The following TMEM232 variants were observed in gnomAD, a reference collection of about 807,000 sequenced individuals.
TMEM232 encodes transmembrane protein 232.
A neutral mutation model predicts 78.8 loss-of-function variants in TMEM232; 80 were observed. The observed-to-expected ratio is 1.01, with a 90% CI of 0.85 to 1.22. TMEM232 has a LOEUF of 1.22. Ranked by LOEUF, TMEM232 falls within the 50% of genes most tolerant of loss-of-function variation. TMEM232 has a pLI of 0.00. For synonymous variants in TMEM232, 297 were observed against 254.3 expected (o/e 1.17, Z -1.60); for missense variants, 881 against 742.2 (o/e 1.19, Z -2.17).
chr5:110,469,319 G>A (rs1762417665), intron 12 of TMEM232, among the ~76,000 whole-genome samples: 1 of 152,202 alleles, frequency 6.6e-6, no homozygotes, highest in Admixed American at 6.5e-5. Context: ...ACTAAATCAT[G>A]CTTGTCTGGT....
chr5:110,522,531 G>T (rs1769695193), intron 12 of TMEM232, among the ~76,000 whole-genome samples: 1 of 152,148 alleles, frequency 6.6e-6, no homozygotes, highest in African/African-American at 2.4e-5. Flanking sequence ...TATCGAGTAT[G>T]ATGTTAGCTG....
In TMEM232 at chr5:110,648,674, AAAACAAAC is replaced by A. The variant is rs570383204; in HGVS notation, c.126-6311_126-6304del. On this transcript the variant is annotated intron_variant, in intron 2 of 13. Coordinates refer to ENST00000455884, the MANE Select transcript of TMEM232 (RefSeq NM_001039763.4). The stretch of plus-strand genomic sequence containing the variant: ...TGTTACTGGGACCACCGCTTATGGT[AAAACAAAC>A]AAACAAACAAACAAACAAAACTCCT... 9.2e-5 allele frequency among the ~76,000 whole-genome samples: 14 copies of A among 152,138 alleles called. No individual in the cohort carries two copies. In the East Asian group the frequency reaches 1.7e-3, roughly 19 times the overall value.
intron 2 of TMEM232, among the ~76,000 whole-genome samples, chr5:110,653,821 T>C (rs144733451): frequency 0.014 from 2,104 of 152,182 alleles, 20 homozygotes; most frequent in Middle Eastern, 0.037. Flanking sequence ...GACATCCAAG[T>C]GGAAAGGTTT....
intron 10 of TMEM232, among the ~76,000 whole-genome samples, chr5:110,592,656 A>G (rs1490494731): frequency 6.6e-6 from 1 of 152,164 alleles, no homozygotes; most frequent in African/African-American, 2.4e-5. Context: ...AAGCAAAGAA[A>G]ATGAAAACAA....
intron 10 of TMEM232, among the ~76,000 whole-genome samples, chr5:110,587,689 A>ATGTGTGTGTG (rs1313192902): frequency 1.9e-5 from 1 of 53,260 alleles, no homozygotes; most frequent in Non-Finnish European, 3.5e-5. Flanking sequence ...ATATATATAT[A>ATGTGTGTGTG]TATGTGTGTG....
chr5:110,651,079 T>C (rs1336030244), intron 2 of TMEM232, among the ~76,000 whole-genome samples: 1 of 152,138 alleles, frequency 6.6e-6, no homozygotes, highest in African/African-American at 2.4e-5. Context: ...CTATATTAAT[T>C]AAATATCTGC....
chr5:110,735,440 A>G (rs1041818160), intron 1 of TMEM232, among the ~76,000 whole-genome samples: 12 of 152,234 alleles, frequency 7.9e-5, no homozygotes, highest in African/African-American at 2.4e-4. Context: ...ACAAAGTAAA[A>G]AACTATATTA....
At chr5:110,388,471 T>C (rs902696047) in intron 4 of TMEM232, among the ~76,000 whole-genome samples, 1 of 152,170 alleles carries the variant, frequency 6.6e-6, no homozygotes, top group African/African-American at 2.4e-5. Context: ...CTGCTTTTTG[T>C]CAGAAAAGAA....
chr5:110,572,815 A>G (rs1468127406), intron 10 of TMEM232, among the ~76,000 whole-genome samples: 2 of 152,130 alleles, frequency 1.3e-5, no homozygotes, highest in Non-Finnish European at 2.9e-5. Flanking sequence ...AATGAAGAAA[A>G]AAAACCTTAT....
At chr5:110,416,401 G>A (rs1053800085), downstream of TMEM232, among the ~76,000 whole-genome samples, 8 of 152,214 alleles carry the variant, frequency 5.3e-5, no homozygotes, top group South Asian at 8.3e-4. Flanking sequence ...AACAAATAGG[G>A]GTGTTCTTAT....
intron 2 of TMEM232, among the ~76,000 whole-genome samples, chr5:110,645,562 G>T (rs141753254): frequency 0.01 from 1,522 of 150,616 alleles, 34 homozygotes; most frequent in African/African-American, 0.035. Context: ...AAGAATTTAC[G>T]TCAATTTACT....
intron 12 of TMEM232, among the ~76,000 whole-genome samples, chr5:110,510,499 C>T (rs1385772184): frequency 1.3e-5 from 2 of 152,136 alleles, no homozygotes; most frequent in Non-Finnish European, 2.9e-5. Flanking sequence ...CTTTCCATTT[C>T]TATTGCCACT....
At chr5:110,611,088 A>G (rs1782216555) in intron 8 of TMEM232, among the ~76,000 whole-genome samples, 1 of 152,170 alleles carries the variant, frequency 6.6e-6, no homozygotes, top group Admixed American at 6.6e-5. Flanking sequence ...AATTAAATGC[A>G]GATATATAAA....
chr5:110,526,049 A>AAT (rs1554099399), intron 12 of TMEM232, among the ~76,000 whole-genome samples: 124 of 148,014 alleles, frequency 8.4e-4, no homozygotes, highest in African/African-American at 3.0e-3. Context: ...AAAAAAAAAA[A>AAT]ATTCAAACAG....
chr5:110,392,663 G>T (rs952767601), intron 3 of TMEM232, among the ~76,000 whole-genome samples: 1 of 152,096 alleles, frequency 6.6e-6, no homozygotes, highest in Non-Finnish European at 1.5e-5. Flanking sequence ...GGATATTAAT[G>T]ACATCATGAG....
At position 110,640,990 on chromosome 5, in the gene TMEM232, A is replaced by G. The variant is rs1191889517; in HGVS notation, c.244T>C (p.Leu82=). 1.5e-5 allele frequency: 23 copies of G among 1,525,986 alleles called. No homozygotes were observed. The East Asian group carries it at 4.6e-4, about 30-fold the overall frequency. 94.5% of individuals were successfully genotyped at this position (1,525,986 alleles called of 1,614,324 possible). A position where few individuals can be genotyped will look rare whatever the true frequency, so the allele number is the denominator to read the frequency against. The change falls in exon 4 of 14, where the codon TTG becomes CTG. Residue 82 remains leucine (L), a synonymous_variant. Coordinates refer to ENST00000455884, the MANE Select transcript of TMEM232 (RefSeq NM_001039763.4). ...CCAGAGCCCAGGGTTTTGAGACCCA[A>G]TTTTCTCTGTTATGAGGAAGCATGA... ...RKIILRCKRK[L]GLKTLGSGRH...
At chr5:110,391,334 A>T (rs1193057116) in intron 3 of TMEM232, among the ~76,000 whole-genome samples, 2 of 144,808 alleles carry the variant, frequency 1.4e-5, no homozygotes, top group Non-Finnish European at 3.0e-5. Flanking sequence ...TGTGAGAGAG[A>T]GAGAGAGAGA....
At chr5:110,695,712 T>C (rs1794688367) in intron 1 of TMEM232, among the ~76,000 whole-genome samples, 1 of 152,100 alleles carries the variant, frequency 6.6e-6, no homozygotes, top group South Asian at 2.1e-4. Flanking sequence ...AAGAAATGGA[T>C]AAATTCCTCG....
At chr5:110,655,777 A>G (rs1788952662) in intron 2 of TMEM232, among the ~76,000 whole-genome samples, 1 of 151,844 alleles carries the variant, frequency 6.6e-6, no homozygotes, top group South Asian at 2.1e-4. Flanking sequence ...GAAATTGGAA[A>G]TGATCATTCT....
Sources: allele counts gnomAD v4.1 joint callset (sites outside exome capture counted in the v4.1 genomes callset), GRCh38; gene constraint gnomAD v4.1.1; transcripts MANE v1.5; gene names NCBI Gene and HGNC (gene_info 2026-07-23, HGNC 2026-07-21).